CNTN3: variants seen among roughly 807,000 people sequenced by gnomAD.
CNTN3 encodes the protein contactin-3.
A neutral mutation model predicts 119.1 loss-of-function variants in CNTN3; 60 were observed. The observed-to-expected ratio is 0.50, with a 90% CI of 0.41 to 0.62. The LOEUF (loss-of-function observed/expected upper bound fraction) is 0.62. Among genes scored for constraint, CNTN3 ranks in the 20% least tolerant of loss-of-function variants. The pLI is 0.00. For missense variants in CNTN3, 1,101 were observed against 1,242.4 expected (o/e 0.89, Z 1.71); for synonymous variants, 450 against 438.7 (o/e 1.03, Z -0.32).
Position 74,588,761 on chromosome 3 carries a change from C to T in CNTN3, c.-81+25630G>A, listed in dbSNP as rs1163978370. Among the ~76,000 whole-genome samples, 45 of 152,092 alleles carry T rather than the reference C, an allele frequency of 3.0e-4. No homozygotes were observed. In the South Asian group the frequency reaches 4.4e-3, roughly 15 times the overall value. ...TGGTACTGGTACCAAAACAGAGATACAGATCAATGGAACAGAACAGAGCCC... is the reference window on the plus strand; with the variant it reads ...TGGTACTGGTACCAAAACAGAGATATAGATCAATGGAACAGAACAGAGCCC... On this transcript the variant is annotated intron_variant, in intron 1 of 22. Transcript: ENST00000263665.
chr3:74,571,717 T>G (rs1176757314), intron 1 of CNTN3, among the ~76,000 whole-genome samples: 1 of 152,184 alleles, frequency 6.6e-6, no homozygotes, highest in Non-Finnish European at 1.5e-5. Flanking sequence ...TGCCATTTAT[T>G]TAGATTACAT....
At chr3:74,610,301 TG>T (rs1395443115) in intron 1 of CNTN3, among the ~76,000 whole-genome samples, 1 of 150,818 alleles carries the variant, frequency 6.6e-6, no homozygotes, top group Non-Finnish European at 1.5e-5. Flanking sequence ...CCAGCCTGGG[TG>T]ACAGAGTGAG....
chr3:74,506,993 A>C (rs1703273118), intron 2 of CNTN3, among the ~76,000 whole-genome samples: 1 of 151,360 alleles, frequency 6.6e-6, no homozygotes, highest in Non-Finnish European at 1.5e-5. Flanking sequence ...TTAGGACCAG[A>C]CACAATTCCC....
chr3:74,295,150 A>G lies in CNTN3; in HGVS notation c.2488T>C (p.Leu830=). The change falls in exon 19 of 23, where the codon TTG becomes CTG. Residue 830 remains leucine, a synonymous_variant. Transcript: ENST00000263665. Reference sequence around the variant, plus strand: ...TAGCCCAGTAAATGTCCATTGCTCAACTTCCAAGGAATGGTGTTCCATGAA... The same window carrying G: ...TAGCCCAGTAAATGTCCATTGCTCAGCTTCCAAGGAATGGTGTTCCATGAA... ...EVSWNTIPWK[L]SNGHLLGYEV... is the part of the protein sequence containing the mutation. 1.2e-6 allele frequency: 2 copies of G among 1,612,772 alleles called. No individual in the cohort carries two copies. The highest frequency in any genetic ancestry group is 2.2e-5 in the East Asian group (1 of 44,842).
intron 4 of CNTN3, among the ~76,000 whole-genome samples, chr3:74,447,323 T>C (rs1388908404): frequency 2.0e-5 from 3 of 152,134 alleles, no homozygotes. Flanking sequence ...GGAACAAATA[T>C]CCTGACCTTT....
intron 5 of CNTN3, among the ~76,000 whole-genome samples, chr3:74,394,333 C>A (rs1704991206): frequency 6.6e-6 from 1 of 152,148 alleles, no homozygotes; most frequent in Non-Finnish European, 1.5e-5. Context: ...ATTAACCATA[C>A]AGTCATAGCA....
At chr3:74,383,363 A>C (rs1704669584) in intron 5 of CNTN3, among the ~76,000 whole-genome samples, 2 of 152,230 alleles carry the variant, frequency 1.3e-5, no homozygotes, top group African/African-American at 4.8e-5. Flanking sequence ...TGAATGGGTC[A>C]ATAAAGGTAA....
intron 8 of CNTN3, among the ~76,000 whole-genome samples, chr3:74,366,808 A>ATAT (rs1553650589): frequency 3.9e-5 from 5 of 127,982 alleles, no homozygotes; most frequent in South Asian, 2.5e-4. Context: ...ATATATATAT[A>ATAT]ACTTGCTCAG....
intron 1 of CNTN3, among the ~76,000 whole-genome samples, chr3:74,541,834 T>C (rs1042189674): frequency 3.9e-5 from 6 of 152,254 alleles, no homozygotes; most frequent in Admixed American, 3.9e-4. Context: ...AGCTGTAGAT[T>C]AGAACAAAGA....
At chr3:74,552,119 T>C (rs1198267154) in intron 1 of CNTN3, among the ~76,000 whole-genome samples, 1 of 152,174 alleles carries the variant, frequency 6.6e-6, no homozygotes, top group Non-Finnish European at 1.5e-5. Flanking sequence ...TGTCTTTTCA[T>C]GGCCAGTGGC....
At chr3:74,366,806 A>ATATATATATATATATG (rs1704205700) in intron 8 of CNTN3, among the ~76,000 whole-genome samples, 1 of 138,446 alleles carries the variant, frequency 7.2e-6, no homozygotes, top group East Asian at 2.1e-4. Context: ...ATATATATAT[A>ATATATATATATATATG]TAACTTGCTC....
At chr3:74,490,260 T>C (rs910914651) in intron 3 of CNTN3, among the ~76,000 whole-genome samples, 11 of 152,324 alleles carry the variant, frequency 7.2e-5, no homozygotes, top group Admixed American at 3.9e-4. Flanking sequence ...CGGGAAAAGC[T>C]CCTCTAAACC....
intron 13 of CNTN3, among the ~76,000 whole-genome samples, chr3:74,320,791 C>T (rs1702968447): frequency 6.6e-6 from 1 of 152,064 alleles, no homozygotes; most frequent in Non-Finnish European, 1.5e-5. Flanking sequence ...CTTTAGAGCA[C>T]ACTTTTATTG....
At chr3:74,560,795 C>T (rs1412739122) in intron 1 of CNTN3, among the ~76,000 whole-genome samples, 1 of 151,872 alleles carries the variant, frequency 6.6e-6, no homozygotes, top group Admixed American at 6.6e-5. Flanking sequence ...CAATGATAGA[C>T]TGGATTAAGA....
intron 2 of CNTN3, among the ~76,000 whole-genome samples, chr3:74,518,656 A>G (rs572553358): frequency 6.6e-6 from 1 of 152,054 alleles, no homozygotes; most frequent in East Asian, 1.9e-4. Context: ...CAAATGGAAA[A>G]TACTCCTCAA....
chr3:74,513,317 C>T (rs1448367608), intron 2 of CNTN3, among the ~76,000 whole-genome samples: 1 of 152,148 alleles, frequency 6.6e-6, no homozygotes, highest in Admixed American at 6.6e-5. Flanking sequence ...AGCAACTGAT[C>T]CCAGAGTTGC....
intron 4 of CNTN3, among the ~76,000 whole-genome samples, chr3:74,469,137 T>G (rs750558060): frequency 6.6e-6 from 1 of 152,146 alleles, no homozygotes; most frequent in African/African-American, 2.4e-5. Context: ...AAGAGTATTT[T>G]AAATAATGTG....
chr3:74,540,865 T>C (rs1032940733), intron 1 of CNTN3, among the ~76,000 whole-genome samples: 2 of 152,226 alleles, frequency 1.3e-5, no homozygotes, highest in African/African-American at 4.8e-5. Context: ...TGTGCATATA[T>C]ACACAGGCAG....
chr3:74,606,428 G>T (rs1704994084), intron 1 of CNTN3, among the ~76,000 whole-genome samples: 2 of 151,936 alleles, frequency 1.3e-5, no homozygotes, highest in African/African-American at 4.8e-5. Context: ...CATTTTGTGT[G>T]TGTGTCCGTG....
Sources: allele counts gnomAD v4.1 joint callset (sites outside exome capture counted in the v4.1 genomes callset), GRCh38; gene constraint gnomAD v4.1.1; transcripts MANE v1.5; gene names NCBI Gene and HGNC (gene_info 2026-07-23, HGNC 2026-07-21).